RANBP2: variants seen among roughly 807,000 people sequenced by gnomAD.
RANBP2 encodes the protein E3 SUMO-protein ligase RanBP2.
RANBP2 carries 57 observed loss-of-function variants against 303.6 expected under a neutral mutation model. The observed-to-expected ratio is 0.19, with a 90% CI of 0.15 to 0.23. The LOEUF is 0.23. Among genes scored for constraint, RANBP2 ranks in the 10% least tolerant of loss-of-function variants. The pLI is 1.00. For synonymous variants in RANBP2, 1,167 were observed against 1,301.5 expected (o/e 0.90, Z 2.23); for missense variants, 3,138 against 3,780.8 (o/e 0.83, Z 4.46).
At chr2:108,811,422 T>C in the RANBP2 span, among the ~76,000 whole-genome samples, 1 of 151,686 alleles carries the variant, frequency 6.6e-6, no homozygotes, top group African/African-American at 2.4e-5. Context: ...TTTTTTAATT[T>C]TGTTGTAGAG....
At chr2:108,841,744 A>G in the RANBP2 span, among the ~76,000 whole-genome samples, 1 of 151,946 alleles carries the variant, frequency 6.6e-6, no homozygotes, top group African/African-American at 2.4e-5. Flanking sequence ...GTACTTATTG[A>G]TATGTTAGGG....
chr2:109,560,857 A>C, the RANBP2 span, among the ~76,000 whole-genome samples: 1 of 152,072 alleles, frequency 6.6e-6, no homozygotes, highest in Non-Finnish European at 1.5e-5. Context: ...ATATCCAAAC[A>C]ACCACTAAGT....
At chr2:108,962,702 G>GAT in the RANBP2 span, among the ~76,000 whole-genome samples, 1 of 122,404 alleles carries the variant, frequency 8.2e-6, no homozygotes. Context: ...AAAAAAAAAA[G>GAT]AGAGAAAGGA....
the RANBP2 span, among the ~76,000 whole-genome samples, chr2:109,726,922 T>A: frequency 9.8e-5 from 15 of 152,318 alleles, no homozygotes; most frequent in African/African-American, 3.6e-4. Context: ...GTTAATCAAT[T>A]ACCTCAGGAG....
chr2:108,807,416 G>T, the RANBP2 span, among the ~76,000 whole-genome samples: 1 of 152,126 alleles, frequency 6.6e-6, no homozygotes, highest in Non-Finnish European at 1.5e-5. Flanking sequence ...TAATTATGGG[G>T]TACAGTGATA....
At chr2:109,033,936 CAGAG>C in the RANBP2 span, among the ~76,000 whole-genome samples, 2 of 140,874 alleles carry the variant, frequency 1.4e-5, no homozygotes, top group African/African-American at 5.4e-5. Flanking sequence ...AGCCTGGCGA[CAGAG>C]GGAGACCCTG....
the RANBP2 span, among the ~76,000 whole-genome samples, chr2:109,102,948 C>T: frequency 3.9e-5 from 6 of 152,086 alleles, no homozygotes; most frequent in East Asian, 1.9e-4. Context: ...CGGATTGCAA[C>T]GCAGCTGAGA....
chr2:108,937,064 G>C, the RANBP2 span, among the ~76,000 whole-genome samples: 1 of 152,362 alleles, frequency 6.6e-6, no homozygotes, highest in Admixed American at 6.5e-5. Flanking sequence ...CAAACGTCTT[G>C]GCAAGACCAC....
chr2:109,004,270 G>C, the RANBP2 span, among the ~76,000 whole-genome samples: 2 of 152,294 alleles, frequency 1.3e-5, no homozygotes, highest in East Asian at 3.9e-4. Flanking sequence ...TGGGTGTGAG[G>C]GAGTAAGGGA....
At chr2:108,925,391 A>T in the RANBP2 span, among the ~76,000 whole-genome samples, 1 of 152,230 alleles carries the variant, frequency 6.6e-6, no homozygotes, top group Non-Finnish European at 1.5e-5. Flanking sequence ...CTCCAAGGCT[A>T]CACGGCGGAT....
the RANBP2 span, among the ~76,000 whole-genome samples, chr2:109,075,107 T>C: frequency 1.5e-4 from 21 of 141,966 alleles, 1 homozygote; most frequent in African/African-American, 5.4e-4. Context: ...CTTAAGGAAC[T>C]AGAAAAGGAA....
chr2:109,398,961 AG>A, the RANBP2 span: 2 of 1,599,068 alleles, frequency 1.3e-6, no homozygotes, highest in African/African-American at 2.7e-5. Context: ...CCCGCGGGCC[AG>A]GGCAGGCATC....
chr2:109,524,444 C>CAAAAAAAAAAAAAAAAAAAAAAAAAAAA, the RANBP2 span, among the ~76,000 whole-genome samples: 1 of 84,436 alleles, frequency 1.2e-5, no homozygotes, highest in African/African-American at 6.6e-5. Flanking sequence ...GACCCTGTCT[C>CAAAAAAAAAAAAAAAAAAAAAAAAAAAA]AAAAAAAAAA....
the RANBP2 span, among the ~76,000 whole-genome samples, chr2:109,022,139 C>T: frequency 6.6e-6 from 1 of 152,260 alleles, no homozygotes; most frequent in Non-Finnish European, 1.5e-5. Context: ...ACACCGTCCC[C>T]TACTGCCCTT....
the RANBP2 span, chr2:108,846,725 A>ATAT: frequency 1.9e-6 from 3 of 1,592,314 alleles, no homozygotes; most frequent in East Asian, 2.2e-5. Context: ...AAGATTGTAC[A>ATAT]TATTTTTAAC....
At chr2:109,132,236 G>T in the RANBP2 span, among the ~76,000 whole-genome samples, 1 of 151,934 alleles carries the variant, frequency 6.6e-6, no homozygotes, top group African/African-American at 2.4e-5. Flanking sequence ...TCTTCTTTTG[G>T]GCCAATTAGG....
At chr2:109,227,778 C>T in the RANBP2 span, among the ~76,000 whole-genome samples, 1 of 152,190 alleles carries the variant, frequency 6.6e-6, no homozygotes, top group South Asian at 2.1e-4. Context: ...GGGTAGGTCA[C>T]CCCCCAGCCA....
the RANBP2 span, among the ~76,000 whole-genome samples, chr2:109,473,835 T>G: frequency 6.6e-6 from 1 of 151,894 alleles, no homozygotes; most frequent in South Asian, 2.1e-4. Flanking sequence ...GGCTGTCTCT[T>G]TTTTGGGGTG....
chr2:109,640,819 A>G, the RANBP2 span, among the ~76,000 whole-genome samples: 8 of 152,214 alleles, frequency 5.3e-5, no homozygotes, highest in African/African-American at 1.9e-4. Context: ...GCTGTTCTCA[A>G]TCAGGCCCAG....
Sources: gnomAD v4.1 joint callset for allele counts (sites outside exome capture counted in the v4.1 genomes callset) on GRCh38, gnomAD v4.1.1 for gene constraint, MANE v1.5 for transcripts, NCBI Gene and HGNC (gene_info 2026-07-23, HGNC 2026-07-21) for gene names.